Variants in MDGA2 observed in about 807,000 individuals in gnomAD.
The protein encoded by MDGA2 is MAM domain containing glycosylphosphatidylinositol anchor 2, also known as MAM domain-containing glycosylphosphatidylinositol anchor protein 2.
A neutral mutation model predicts 117.8 loss-of-function variants in MDGA2; 40 were observed. The ratio of observed to expected loss-of-function variants is 0.34; its 90% CI spans 0.26 to 0.44. MDGA2 has a LOEUF of 0.44. Among genes scored for constraint, MDGA2 ranks in the 20% least tolerant of loss-of-function variants. The probability of loss-of-function intolerance (pLI) is 1.00; values close to 1 mark genes in which losing one functional copy is unlikely to be tolerated. For missense variants in MDGA2, 1,123 were observed against 1,250.6 expected, an observed-to-expected ratio of 0.90 and a Z score of 1.54; for synonymous variants, 452 against 439.0, an observed-to-expected ratio of 1.03 and a Z score of -0.37.
intron 1 of MDGA2, among the ~76,000 whole-genome samples, chr14:47,598,449 TAAATAG>T (rs1896587156): frequency 6.6e-6 from 1 of 152,146 alleles, no homozygotes; most frequent in Admixed American, 6.6e-5. Flanking sequence ...GATAAATGGA[TAAATAG>T]AAAGTGATAT....
intron 1 of MDGA2, among the ~76,000 whole-genome samples, chr14:47,554,005 G>A (rs560308879): frequency 6.6e-5 from 10 of 151,978 alleles, no homozygotes; most frequent in African/African-American, 2.2e-4. Flanking sequence ...TCCTTTCCCC[G>A]TCCACCCCCC....
rs150341221 is a variant in MDGA2 at position 47,164,895 on chromosome 14, T to A, written c.596-20621A>T. On this transcript the variant is annotated intron_variant, in intron 3 of 16. Transcript: ENST00000399232. ...GACTGGATTGAGAAAATGTGGCACA[T>A]AGTCACCATGGAATACTATGCAGCC... Among the ~76,000 whole-genome samples the A allele has an allele frequency of 3.7e-3, 565 of 152,298 alleles. 1 individual carries two copies. The highest frequency in any genetic ancestry group is 0.013 in the African/African-American group (533 of 41,552).
At position 47,312,927 on chromosome 14, in the gene MDGA2, C is replaced by CATATAT. The variant is rs10672253; in HGVS notation, c.281-11383_281-11378dup. Among the ~76,000 whole-genome samples, 1,426 of 146,450 alleles carry CATATAT rather than the reference C, an allele frequency of 9.7e-3. 14 individuals are homozygous for CATATAT. The highest frequency in any genetic ancestry group is 0.03 in the African/African-American group (1,204 of 40,158). On this transcript the variant is annotated intron_variant, in intron 1 of 16. Coordinates refer to ENST00000399232, the MANE Select transcript of MDGA2 (RefSeq NM_001113498.3). ...ATTTTTAAATTTAATTATATATATA[C>CATATAT]ATATATATATATATAAACCTATTTT...
chr14:47,200,128 T>C (rs1014680826), intron 3 of MDGA2, among the ~76,000 whole-genome samples: 20 of 152,154 alleles, frequency 1.3e-4, no homozygotes, highest in African/African-American at 4.8e-4. Flanking sequence ...TTGTATGTTG[T>C]ATATATGTGT....
intron 1 of MDGA2, among the ~76,000 whole-genome samples, chr14:47,423,482 G>T (rs1432172544): frequency 6.6e-6 from 1 of 152,134 alleles, no homozygotes; most frequent in Non-Finnish European, 1.5e-5. Flanking sequence ...AAGTTCAGAA[G>T]TGTTAACTTG....
chr14:47,585,091 G>T (rs2138847569), intron 1 of MDGA2, among the ~76,000 whole-genome samples: 1 of 151,978 alleles, frequency 6.6e-6, no homozygotes, highest in Middle Eastern at 3.4e-3. Flanking sequence ...TATGCATACA[G>T]GAGTGTCTAT....
rs145779819 is a variant in MDGA2 at position 47,675,434 on chromosome 14, A to G, written c.-638T>C. Among the ~76,000 whole-genome samples, 1 of 151,996 alleles carries G rather than the reference A, an allele frequency of 6.6e-6. No homozygotes were observed. Among genetic ancestry groups the G allele is most frequent in the Non-Finnish European group, 1.5e-5 (1 of 67,956 alleles). On this transcript the variant is annotated 5_prime_UTR_variant, in exon 1 of 17. Transcript: ENST00000399232. The stretch of plus-strand genomic sequence containing the variant: ...AGGAGGAGGAAAGGGTCCAACAGGG[A>G]GCGGAGTGTGCGTCTGGAGCTCGCT...
chr14:46,845,331 T>A (rs2138270117), intron 16 of MDGA2, among the ~76,000 whole-genome samples: 1 of 152,328 alleles, frequency 6.6e-6, no homozygotes, highest in East Asian at 1.9e-4. Flanking sequence ...GTGAGTCAAT[T>A]AAATCTCTTT....
At chr14:47,447,970 G>A (rs1477624727) in intron 1 of MDGA2, among the ~76,000 whole-genome samples, 1 of 151,940 alleles carries the variant, frequency 6.6e-6, no homozygotes, top group African/African-American at 2.4e-5. Context: ...TTTCCTGAGT[G>A]GGGTGATAAG....
chr14:47,325,486 T>C (rs1890117005), intron 1 of MDGA2, among the ~76,000 whole-genome samples: 1 of 152,182 alleles, frequency 6.6e-6, no homozygotes, highest in African/African-American at 2.4e-5. Context: ...GCATTAATGA[T>C]ATTCACAATA....
intron 8 of MDGA2, among the ~76,000 whole-genome samples, chr14:46,976,306 A>C (rs1032848753): frequency 2.0e-5 from 3 of 152,214 alleles, no homozygotes; most frequent in South Asian, 2.1e-4. Context: ...GAACAAAACA[A>C]AAAAGAACAA....
At chr14:47,106,762 G>C (rs1880713973) in intron 5 of MDGA2, among the ~76,000 whole-genome samples, 1 of 148,740 alleles carries the variant, frequency 6.7e-6, no homozygotes, top group Non-Finnish European at 1.5e-5. Flanking sequence ...AATCAATACA[G>C]AGGCTACTCA....
At chr14:47,152,577 T>C (rs972616630) in intron 3 of MDGA2, among the ~76,000 whole-genome samples, 2 of 152,156 alleles carry the variant, frequency 1.3e-5, no homozygotes, top group African/African-American at 4.8e-5. Flanking sequence ...TCTAAAATGT[T>C]TATGTTCATT....
intron 12 of MDGA2, among the ~76,000 whole-genome samples, chr14:46,874,975 T>C (rs1882166839): frequency 6.6e-6 from 1 of 151,432 alleles, no homozygotes. Flanking sequence ...TATAAATAAG[T>C]TGGTAAGGTC....
At chr14:47,218,936 C>G (rs1440945624) in intron 2 of MDGA2, among the ~76,000 whole-genome samples, 1 of 152,020 alleles carries the variant, frequency 6.6e-6, no homozygotes, top group African/African-American at 2.4e-5. Flanking sequence ...CTACAACAGA[C>G]TTCGTTTTTG....
chr14:47,481,874 C>T (rs1417366562), intron 1 of MDGA2, among the ~76,000 whole-genome samples: 4 of 152,044 alleles, frequency 2.6e-5, no homozygotes, highest in African/African-American at 7.2e-5. Context: ...TAAAAAATCC[C>T]AACTATCCAA....
At chr14:47,309,793 T>C (rs1011923529) in intron 1 of MDGA2, among the ~76,000 whole-genome samples, 2 of 152,106 alleles carry the variant, frequency 1.3e-5, no homozygotes, top group Non-Finnish European at 2.9e-5. Flanking sequence ...GTATATGGTA[T>C]ACTATTTTGA....
At position 47,644,274 on chromosome 14, in the gene MDGA2, A is replaced by G. The variant is rs557066236; in HGVS notation, c.280+30243T>C. Among the ~76,000 whole-genome samples the G allele has an allele frequency of 6.3e-4, 96 of 152,342 alleles. 3 individuals are homozygous for G. The South Asian group carries it at 0.019, about 30-fold the overall frequency. ...CTTAAAGATTATCTTGGATCATCCAATTGGGCTCAATGGAAACACAAAGAT... is the reference window on the plus strand; with the variant it reads ...CTTAAAGATTATCTTGGATCATCCAGTTGGGCTCAATGGAAACACAAAGAT... On this transcript the variant is annotated intron_variant, in intron 1 of 16. Coordinates refer to ENST00000399232, the MANE Select transcript of MDGA2 (RefSeq NM_001113498.3).
intron 10 of MDGA2, among the ~76,000 whole-genome samples, chr14:46,906,972 C>CTTTTTTTTT (rs372756942): frequency 1.0e-5 from 1 of 99,564 alleles, no homozygotes. Context: ...TTACCTTTTT[C>CTTTTTTTTT]TTTTTTTTTT....
Sources: gnomAD v4.1 joint callset for allele counts (sites outside exome capture counted in the v4.1 genomes callset) on GRCh38, gnomAD v4.1.1 for gene constraint, MANE v1.5 for transcripts, NCBI Gene and HGNC (gene_info 2026-07-23, HGNC 2026-07-21) for gene names.